The following JAM3 variants were observed in gnomAD, a reference collection of about 807,000 sequenced individuals.
JAM3 encodes the protein junctional adhesion molecule 3.
In JAM3, 31 loss-of-function variants were observed where a neutral mutation model predicts 39.4. The ratio of observed to expected loss-of-function variants is 0.79; its 90% CI spans 0.59 to 1.06. The LOEUF (loss-of-function observed/expected upper bound fraction) is 1.06. Among genes scored for constraint, JAM3 ranks in the 50% least tolerant of loss-of-function variants. JAM3 has a pLI of 0.00. For missense variants in JAM3, 455 were observed against 391.4 expected (o/e 1.16, Z -1.37); for synonymous variants, 182 against 148.7 (o/e 1.22, Z -1.63).
intron 1 of JAM3, among the ~76,000 whole-genome samples, chr11:134,088,650 A>G (rs1941787287): frequency 6.6e-6 from 1 of 152,250 alleles, no homozygotes; most frequent in Non-Finnish European, 1.5e-5. Flanking sequence ...ATCACTAGCA[A>G]TAGAACAATA....
chr11:134,148,521 C>A (rs753387122), intron 6 of JAM3, 26 bp from the exon 7 acceptor site: 2 of 1,614,154 alleles, frequency 1.2e-6, no homozygotes, highest in Non-Finnish European at 1.7e-6. Flanking sequence ...TGTATCATGG[C>A]TTCCACCAAA....
intron 1 of JAM3, among the ~76,000 whole-genome samples, chr11:134,134,412 A>C (rs993835249): frequency 9.3e-5 from 14 of 151,302 alleles, no homozygotes; most frequent in African/African-American, 1.5e-4. Context: ...AAAAAAAAAA[A>C]AAAAAAAAAA....
At chr11:134,136,737 C>T (rs959465555) in intron 1 of JAM3, among the ~76,000 whole-genome samples, 1 of 151,528 alleles carries the variant, frequency 6.6e-6, no homozygotes, top group Non-Finnish European at 1.5e-5. Flanking sequence ...ATGTGTAGTT[C>T]ATGAAAAATA....
In JAM3 at chr11:134,125,224, T is replaced by TTC. The variant is rs202070382; in HGVS notation, c.77-14618_77-14617dup. The stretch of plus-strand genomic sequence containing the variant: ...AGCCAAAAGCAGCTCCCGCCCCCTC[T>TTC]TCTCTCTCTCAACTTAGTTCCACAT... On this transcript the variant is annotated intron_variant, in intron 1 of 8. Transcript: ENST00000299106. 7.3e-3 allele frequency among the ~76,000 whole-genome samples: 1,109 copies of TTC among 152,302 alleles called. 9 individuals carry two copies. Among genetic ancestry groups the TTC allele is most frequent in the African/African-American group, 0.025 (1,042 of 41,582 alleles).
intron 1 of JAM3, among the ~76,000 whole-genome samples, chr11:134,100,174 A>T (rs533639975): frequency 6.6e-6 from 1 of 152,304 alleles, no homozygotes; most frequent in East Asian, 1.9e-4. Flanking sequence ...TCCTTAAAAA[A>T]AAAATAGTGG....
At chr11:134,093,864 G>A (rs1591777750) in intron 1 of JAM3, among the ~76,000 whole-genome samples, 3 of 96,876 alleles carry the variant, frequency 3.1e-5, no homozygotes, top group Admixed American at 9.6e-5. Context: ...CTTCCTGAGG[G>A]AAGCTTCTCC....
chr11:134,118,358 A>T (rs1328710845), intron 1 of JAM3, among the ~76,000 whole-genome samples: 1 of 152,102 alleles, frequency 6.6e-6, no homozygotes, highest in Non-Finnish European at 1.5e-5. Context: ...CCCTCCCTCC[A>T]CCCATCATTT....
chr11:134,115,897 A>T (rs1942420808), intron 1 of JAM3, among the ~76,000 whole-genome samples: 1 of 152,174 alleles, frequency 6.6e-6, no homozygotes, highest in Non-Finnish European at 1.5e-5. Flanking sequence ...ACCATGTCTC[A>T]AAATAAATAA....
chr11:134,139,874 C>T lies in JAM3; in HGVS notation c.100C>T (p.Leu34Phe). The change falls in exon 2 of 9, where the codon CTC (leucine) becomes TTC (phenylalanine). Residue 34 changes from leucine to phenylalanine, a missense_variant. Physicochemically the swap from Leu to Phe is conservative, Grantham distance 22. Transcript: ENST00000299106. Reference sequence around the variant, plus strand: ...AGGCTGCCTGATAGGGGCTGTAAATCTCAAATCCAGCAATCGAACCCCAGT... The same window carrying T: ...AGGCTGCCTGATAGGGGCTGTAAATTTCAAATCCAGCAATCGAACCCCAGT... ...FRGCLIGAVN[L>F]KSSNRTPVVQ... is the part of the protein sequence containing the mutation. 1.9e-6 allele frequency: 3 copies of T among 1,613,962 alleles called. No homozygotes were observed. Among genetic ancestry groups the T allele is most frequent in the African/African-American group, 1.3e-5 (1 of 75,040 alleles).
At chr11:134,115,719 T>C (rs1032265996) in intron 1 of JAM3, among the ~76,000 whole-genome samples, 4 of 151,584 alleles carry the variant, frequency 2.6e-5, no homozygotes, top group Admixed American at 6.6e-5. Flanking sequence ...CTGGGTAACA[T>C]GTGAGATCCT....
intron 1 of JAM3, among the ~76,000 whole-genome samples, chr11:134,113,265 C>T (rs868284398): frequency 5.3e-5 from 8 of 150,460 alleles, no homozygotes; most frequent in Middle Eastern, 3.4e-3. Context: ...CATATGTATA[C>T]ATGTGCTGTG....
At chr11:134,096,132 A>G (rs571420625) in intron 1 of JAM3, among the ~76,000 whole-genome samples, 15 of 152,054 alleles carry the variant, frequency 9.9e-5, no homozygotes, top group African/African-American at 2.4e-4. Context: ...GCGCGCCACT[A>G]CACCTGCCTG....
At chr11:134,124,504 TAAGC>T (rs1482749509) in intron 1 of JAM3, among the ~76,000 whole-genome samples, 1 of 152,216 alleles carries the variant, frequency 6.6e-6, no homozygotes, top group African/African-American at 2.4e-5. Flanking sequence ...GTCTTCAAGA[TAAGC>T]AAAGTATTTA....
intron 1 of JAM3, 162 bp from the exon 2 acceptor site, chr11:134,139,689 C>T (rs1942939112): frequency 1.5e-6 from 1 of 658,990 alleles, no homozygotes. Context: ...AGAGAGAAAG[C>T]AGTTAACTTG....
At position 134,140,755 on chromosome 11, in the gene JAM3, G is replaced by C. The variant is rs778303626; in HGVS notation, c.241G>C (p.Asp81His). The change falls in exon 3 of 9, where the codon GAC becomes CAC. Residue 81 changes from aspartate (D) to histidine (H), a missense_variant. Transcript: ENST00000299106. The stretch of plus-strand genomic sequence containing the variant: ...TGAACAAACCACATATGTGTTTTTT[G>C]ACAACAAAATTCAGGGTATGATCCT... ...QDEQTTYVFF[D>H]NKIQGDLAGR... 2 of 1,613,334 alleles carry C rather than the reference G, an allele frequency of 1.2e-6. No individual in the cohort carries two copies. The highest frequency in any genetic ancestry group is 1.7e-6 in the Non-Finnish European group (2 of 1,179,624).
chr11:134,140,741 C>T lies in JAM3; in HGVS notation c.227C>T (p.Thr76Ile), dbSNP rs1348976823. Residue 76 changes from threonine (T) to isoleucine (I), a missense_variant, in exon 3 of 9, where the codon ACA becomes ATA. Physicochemically the swap from Thr to Ile is moderately conservative, Grantham distance 89. Coordinates refer to ENST00000299106, the MANE Select transcript of JAM3 (RefSeq NM_032801.5). ...EWKKIQDEQT[T>I]YVFFDNKIQG... ...AAGAAAATTCAAGATGAACAAACCA[C>T]ATATGTGTTTTTTGACAACAAAATT... is the stretch of plus-strand genomic sequence containing the variant. The T allele has an allele frequency of 6.2e-7, 1 of 1,613,592 alleles. No homozygotes were observed. The highest frequency in any genetic ancestry group is 8.5e-7 in the Non-Finnish European group (1 of 1,179,812).
At position 134,151,758 on chromosome 11, in the gene JAM3, T is replaced by A. The variant is rs967193336; in HGVS notation, c.*2577T>A. On this transcript the variant is annotated 3_prime_UTR_variant, in exon 9 of 9. Transcript: ENST00000299106. Reference sequence around the variant, plus strand: ...AAAAGCTTCAAAAAAACCCAAACATTGCTTCATTCTTTGTTATTTGCTCTT... The same window carrying A: ...AAAAGCTTCAAAAAAACCCAAACATAGCTTCATTCTTTGTTATTTGCTCTT... 3 of 152,188 alleles carry A rather than the reference T, an allele frequency of 2.0e-5. No individual in the cohort carries two copies. The highest frequency in any genetic ancestry group is 7.2e-5 in the African/African-American group (3 of 41,434). The allele number at this position is 152,188 out of a possible 1,614,324, so 9.4% of individuals were successfully genotyped here. A position where few individuals can be genotyped will look rare whatever the true frequency, so the allele number is the denominator to read the frequency against.
intron 1 of JAM3, among the ~76,000 whole-genome samples, chr11:134,097,010 G>A (rs559744355): frequency 1.4e-4 from 22 of 152,196 alleles, no homozygotes; most frequent in Admixed American, 3.9e-4. Context: ...GTGCAGTGGT[G>A]GTGTGTTTTG....
chr11:134,104,621 T>TAAAG (rs1942145343), intron 1 of JAM3, among the ~76,000 whole-genome samples: 1 of 150,256 alleles, frequency 6.7e-6, no homozygotes, highest in African/African-American at 2.4e-5. Flanking sequence ...GCAAGACTAA[T>TAAAG]AAGAAAAGAG....
Sources: gnomAD v4.1 joint callset for allele counts (sites outside exome capture counted in the v4.1 genomes callset) on GRCh38, gnomAD v4.1.1 for gene constraint, MANE v1.5 for transcripts, NCBI Gene and HGNC (gene_info 2026-07-23, HGNC 2026-07-21) for gene names.